Variants in DAB1 observed in about 807,000 individuals in gnomAD.
The protein encoded by DAB1 is disabled homolog 1.
In DAB1, 15 loss-of-function variants were observed where a neutral mutation model predicts 64.6. That is an observed-to-expected ratio of 0.23 (90% CI 0.16 to 0.36). DAB1 has a LOEUF of 0.36. DAB1 is among the 10% of genes least tolerant of loss of function. The pLI, the probability that DAB1 is intolerant of heterozygous loss-of-function variation, is 1.00. For synonymous variants in DAB1, 235 were observed against 251.9 expected (o/e 0.93, Z 0.64); for missense variants, 596 against 706.7 (o/e 0.84, Z 1.78).
In DAB1 at chr1:58,009,115, C is replaced by A. The variant is rs12030101; in HGVS notation, n.388-124953G>T. On this transcript the variant is annotated intron_variant and non_coding_transcript_variant, in intron 5 of 20. Transcript: ENST00000485760. ...AGGCCCAAAAATTTACAAAAATATT[C>A]TTTAATTTCAAGCCTAGAACAACTC... 9.9e-3 allele frequency among the ~76,000 whole-genome samples: 1,514 copies of A among 152,242 alleles called. 52 individuals carry two copies. The highest frequency in any genetic ancestry group is 0.092 in the East Asian group (476 of 5,184).
intron 5 of DAB1, among the ~76,000 whole-genome samples, chr1:58,147,903 A>G (rs994054940): frequency 2.0e-5 from 3 of 150,794 alleles, no homozygotes; most frequent in African/African-American, 7.3e-5. Context: ...CCATCCAATT[A>G]GCATTGGAGC....
intron 2 of DAB1, among the ~76,000 whole-genome samples, chr1:57,212,525 G>A (rs1020321091): frequency 2.0e-5 from 3 of 151,412 alleles, no homozygotes; most frequent in African/African-American, 7.3e-5. Flanking sequence ...CTGCCACCAC[G>A]CCTGGCTAAC....
At chr1:58,207,728 T>C (rs1658352553) in intron 4 of DAB1, among the ~76,000 whole-genome samples, 2 of 152,216 alleles carry the variant, frequency 1.3e-5, no homozygotes, top group South Asian at 4.1e-4. Context: ...AGTGTTTTGA[T>C]ATAGGTAGTC....
At chr1:57,962,877 A>C (rs1483131526) in intron 5 of DAB1, among the ~76,000 whole-genome samples, 2 of 151,956 alleles carry the variant, frequency 1.3e-5, no homozygotes, top group African/African-American at 4.8e-5. Context: ...CTGTCTCAAA[A>C]AAAAAACAAA....
intron 3 of DAB1, among the ~76,000 whole-genome samples, chr1:58,401,631 A>G (rs1165539141): frequency 6.6e-6 from 1 of 152,230 alleles, no homozygotes; most frequent in Non-Finnish European, 1.5e-5. Context: ...GGAGTCCACT[A>G]CTGTATCTCA....
chr1:57,413,743 C>CAAAAAAA lies in DAB1; in HGVS notation c.-137+10180_-137+10186dup, dbSNP rs58388088. Among the ~76,000 whole-genome samples the CAAAAAAA allele has an allele frequency of 5.8e-3, 373 of 64,498 alleles. 4 individuals carry two copies. The highest frequency in any genetic ancestry group is 0.018 in the African/African-American group (358 of 19,850). The allele number at this position is 64,498 out of a possible 152,430, so 42.3% of individuals were successfully genotyped here. A position where few individuals can be genotyped will look rare whatever the true frequency, so the allele number is the denominator to read the frequency against. Reference sequence around the variant, plus strand: ...CAGGCGACACAGCAAGACTCTGTCTCAAAAAAAAAAAAAAAAAAAAAAAAA... The same window carrying CAAAAAAA: ...CAGGCGACACAGCAAGACTCTGTCTCAAAAAAAAAAAAAAAAAAAAAAAAAAAAAAAA... On this transcript the variant is annotated intron_variant, in intron 1 of 14. Coordinates refer to ENST00000371236, the MANE Select transcript of DAB1 (RefSeq NM_001365792.1).
rs189375408 is a variant in DAB1, at chr1:58,212,502, T to C, written n.310-61914A>G. Among the ~76,000 whole-genome samples the C allele has an allele frequency of 3.3e-5, 5 of 152,288 alleles. No homozygotes were observed. The East Asian group carries it at 9.6e-4, about 29-fold the overall frequency. On this transcript the variant is annotated intron_variant and non_coding_transcript_variant, in intron 4 of 20. Coordinates refer to the DAB1 transcript ENST00000485760. ...GGTAATTCTGTCTGAGGCCTTGACA[T>C]CCAGGCCATCTGGTTGGTTTACTTT...
At chr1:58,308,897 G>T (rs75210604) in intron 4 of DAB1, among the ~76,000 whole-genome samples, 5,460 of 152,244 alleles carry the variant, frequency 0.036, 345 homozygotes, top group African/African-American at 0.12. Context: ...AATCTCCAGA[G>T]AGAAAGATGA....
At chr1:58,514,631 G>A (rs564960824) in intron 2 of DAB1, among the ~76,000 whole-genome samples, 65 of 152,274 alleles carry the variant, frequency 4.3e-4, no homozygotes, top group Admixed American at 9.8e-4. Context: ...ATAGACATGT[G>A]ATAGGTAAAA....
intron 9 of DAB1, among the ~76,000 whole-genome samples, chr1:57,051,594 G>A (rs904903847): frequency 1.3e-5 from 2 of 152,180 alleles, no homozygotes; most frequent in Admixed American, 6.5e-5. Context: ...TGGGGACAGG[G>A]TGTTTGCAGG....
intron 1 of DAB1, among the ~76,000 whole-genome samples, chr1:57,364,720 C>T (rs11207019): frequency 0.033 from 4,996 of 151,502 alleles, 253 homozygotes; most frequent in African/African-American, 0.11. Flanking sequence ...TAAACTGTAT[C>T]GATATCAAGA....
intron 5 of DAB1, among the ~76,000 whole-genome samples, chr1:58,137,765 C>A (rs1654030122): frequency 6.6e-6 from 1 of 152,208 alleles, no homozygotes; most frequent in African/African-American, 2.4e-5. Flanking sequence ...AATAGTGAAT[C>A]TAGGCCAGAC....
chr1:57,631,050 C>T (rs550337794), intron 7 of DAB1, among the ~76,000 whole-genome samples: 12 of 152,216 alleles, frequency 7.9e-5, no homozygotes, highest in Non-Finnish European at 1.5e-4. Context: ...GGGACTTGTG[C>T]ATCAGAGCCA....
intron 6 of DAB1, among the ~76,000 whole-genome samples, chr1:57,736,142 T>C (rs1006298563): frequency 1.3e-5 from 2 of 152,196 alleles, no homozygotes; most frequent in African/African-American, 4.8e-5. Flanking sequence ...AAAATGGTTC[T>C]TGGGCTACAT....
intron 1 of DAB1, among the ~76,000 whole-genome samples, chr1:57,363,233 G>A (rs1236518807): frequency 1.3e-5 from 2 of 152,072 alleles, no homozygotes; most frequent in Non-Finnish European, 2.9e-5. Context: ...AACTTTTGGG[G>A]GTTACAGACC....
chr1:57,025,853 G>A (rs768836258), intron 10 of DAB1, 128 bp downstream of exon 10: 13 of 720,074 alleles, frequency 1.8e-5, no homozygotes, highest in Non-Finnish European at 3.0e-5. Flanking sequence ...AAGTCACACA[G>A]CTTGAAAGAG....
At chr1:57,148,289 A>G (rs1212483566) in intron 2 of DAB1, among the ~76,000 whole-genome samples, 1 of 152,186 alleles carries the variant, frequency 6.6e-6, no homozygotes, top group African/African-American at 2.4e-5. Flanking sequence ...TTAATAAGAA[A>G]ATATTAGGCC....
At chr1:58,051,831 C>T (rs1170082627) in intron 5 of DAB1, among the ~76,000 whole-genome samples, 1 of 152,164 alleles carries the variant, frequency 6.6e-6, no homozygotes, top group Non-Finnish European at 1.5e-5. Flanking sequence ...TGTTTGTTGT[C>T]TGCATAAATG....
chr1:58,020,674 T>C (rs563944627), intron 5 of DAB1, among the ~76,000 whole-genome samples: 40 of 152,186 alleles, frequency 2.6e-4, no homozygotes, highest in African/African-American at 6.7e-4. Context: ...CAATGAGAAG[T>C]TGTGTAAAAC....
Sources: gnomAD v4.1 joint callset for allele counts (sites outside exome capture counted in the v4.1 genomes callset) on GRCh38, gnomAD v4.1.1 for gene constraint, MANE v1.5 for transcripts, NCBI Gene and HGNC (gene_info 2026-07-23, HGNC 2026-07-21) for gene names.